Variants in IRF7 observed in about 807,000 individuals in gnomAD.
IRF7 encodes interferon regulatory factor-7H.
Under a neutral mutation model 51.3 loss-of-function variants are expected in IRF7, and 67 were observed. The observed-to-expected ratio is 1.31, with a 90% CI of 1.07 to 1.60. The LOEUF (loss-of-function observed/expected upper bound fraction) is 1.60. IRF7 is among the 40% of genes most tolerant of loss of function. The probability of loss-of-function intolerance (pLI) is 0.00; values close to 1 mark genes in which losing one functional copy is unlikely to be tolerated. For missense variants in IRF7, 873 were observed against 701.5 expected (o/e 1.24, Z -2.76); for synonymous variants, 427 against 301.3 (o/e 1.42, Z -4.32).
chr11:612,883 T>C (rs1856517196), intron 10 of IRF7, 83 bp from the exon 11 acceptor site: 1 of 1,590,078 alleles, frequency 6.3e-7, no homozygotes, highest in African/African-American at 1.3e-5. Flanking sequence ...GCGTCGGGCG[T>C]CTGTCAGTGA....
chr11:612,797 C>A lies in IRF7; in HGVS notation c.1360G>T (p.Glu454Ter). ...AGGTGCACTCGGCACAGCCAGGGTT[C>A]CAGCTGCCAGGAGGGATCGGGCGTC... is the stretch of plus-strand genomic sequence containing the variant. ...KEKSLVLVKL[E>*]PWLCRVHLEG... The change falls in exon 11 of 11, where the codon GAA (glutamate) becomes TAA (stop). Residue 454 changes from glutamate (E) to a stop codon, truncating the protein, a stop_gained. Coordinates refer to ENST00000525445, the MANE Select transcript of IRF7 (RefSeq NM_001572.5). LOFTEE classifies it high-confidence loss of function. 1 of 1,608,714 alleles carries A rather than the reference C, an allele frequency of 6.2e-7. No individual in the cohort carries two copies. The highest frequency in any genetic ancestry group is 8.5e-7 in the Non-Finnish European group (1 of 1,179,316).
Position 613,281 on chromosome 11 carries a change from T to G in IRF7, c.1162A>C (p.Ser388Arg), listed in dbSNP as rs1242512929. 1 of 1,607,662 alleles carries G rather than the reference T, an allele frequency of 6.2e-7. No homozygotes were observed. Among genetic ancestry groups the G allele is most frequent in the East Asian group, 2.2e-5 (1 of 44,806 alleles). The change falls in exon 9 of 11, where the codon AGC becomes CGC. Residue 388 changes from serine (S) to arginine (R), a missense_variant. Transcript: ENST00000525445. ...WEVGGPPGSA[S>R]PSTPACLLPR... ...AGCAGGCAGGCTGGGGTGGAGGGGC[T>G]GGCGGAGCCTGGGGGTCCGCCCACC...
Position 612,877 on chromosome 11 carries a change from C to A in IRF7, c.1357-77G>T, listed in dbSNP as rs565824165. ...CCCCCTCCCCAGGCTCTGAGGGCGTCGGGCGTCTGTCAGTGACCCGGTGTA... is the reference window on the plus strand; with the variant it reads ...CCCCCTCCCCAGGCTCTGAGGGCGTAGGGCGTCTGTCAGTGACCCGGTGTA... On this transcript the variant is annotated intron_variant, in intron 10 of 10. Transcript: ENST00000525445. 6 of 1,589,088 alleles carry A rather than the reference C, an allele frequency of 3.8e-6. No homozygotes were observed. In the African/African-American group the frequency reaches 6.7e-5, roughly 18 times the overall value.
rs755795955 is a variant in IRF7 at position 613,291 on chromosome 11, TG to T, written c.1151del (p.Pro384GlnfsTer68). The part of the protein sequence containing the change: ...CKVYWEVGGP[P>X]GSASPSTPAC... ...CTGGGGTGGAGGGGCTGGCGGAGCC[TG>T]GGGGTCCGCCCACCTCCCAGTACAC... is the stretch of plus-strand genomic sequence containing the variant. On this transcript the variant is annotated frameshift_variant, in exon 9 of 11. Transcript: ENST00000525445. LOFTEE classifies it high-confidence loss of function. 3.1e-6 allele frequency: 5 copies of T among 1,609,260 alleles called. No homozygotes were observed. Among genetic ancestry groups the T allele is most frequent in the Non-Finnish European group, 4.2e-6 (5 of 1,178,416 alleles).
chr11:613,740 C>G (rs752603743), intron 8 of IRF7, 45 bp downstream of exon 8: 13 of 703,242 alleles, frequency 1.8e-5, no homozygotes, highest in Admixed American at 9.0e-5. Flanking sequence ...CCGTGAGTGA[C>G]GGGGGTGGGC....
Position 614,007 on chromosome 11 carries a change from C to T in IRF7, c.710G>A (p.Gly237Glu). The change falls in exon 7 of 11, where the codon GGG becomes GAG. Residue 237 changes from glycine (G) to glutamate (E), a missense_variant. Physicochemically the swap from Gly to Glu is moderately conservative, Grantham distance 98. Coordinates refer to ENST00000525445, the MANE Select transcript of IRF7 (RefSeq NM_001572.5). ...GPGLPAGELY[G>E]WAVETTPSPG... ...GCTGGGGGTCGTCTCTACTGCCCAC[C>T]CGTACAGCTCCCCAGCAGGGAGCCC... The T allele has an allele frequency of 6.2e-7, 1 of 1,609,640 alleles. No homozygotes were observed. Among genetic ancestry groups the T allele is most frequent in the Non-Finnish European group, 8.5e-7 (1 of 1,178,808 alleles).
chr11:615,204 A>G lies in IRF7; in HGVS notation c.76T>C (p.Cys26Arg). The change falls in exon 3 of 11, where the codon TGC becomes CGC. Residue 26 changes from cysteine (C) to arginine (R), a missense_variant. By Grantham distance (180) the Cys-to-Arg change is radical. Transcript: ENST00000525445. ...EWLLGEISSG[C>R]YEGLQWLDEA... ...TCCAGCCACTGCAGCCCCTCATAGC[A>G]GCCGCTGCTGATCTCTCCAAGGAGC... 1 of 1,600,774 alleles carries G rather than the reference A, an allele frequency of 6.2e-7. No homozygotes were observed. Among genetic ancestry groups the G allele is most frequent in the South Asian group, 1.1e-5 (1 of 89,992 alleles).
At position 613,464 on chromosome 11, in the gene IRF7, G is replaced by T; in HGVS notation, c.979C>A (p.Gln327Lys). 1 of 1,547,202 alleles carries T rather than the reference G, an allele frequency of 6.5e-7. No homozygotes were observed. Among genetic ancestry groups the T allele is most frequent in the Non-Finnish European group, 8.7e-7 (1 of 1,147,884 alleles). Residue 327 changes from glutamine to lysine, a missense_variant, in exon 9 of 11, where the codon CAG (glutamine) becomes AAG (lysine). Gln to Lys is a moderately conservative substitution (Grantham distance 53). Coordinates refer to ENST00000525445, the MANE Select transcript of IRF7 (RefSeq NM_001572.5). ...PDPAVRATDPQQVAFPSPAEL... is the reference protein window; with the variant it reads ...PDPAVRATDPKQVAFPSPAEL... ...GCAGGGCTGGGGAATGCTACCTGCT[G>T]GGGGTCTGTGGCCCGGACAGCTGGG...
chr11:613,875 G>T lies in IRF7; in HGVS notation c.767-10C>A, dbSNP rs781721730. ...GGGGCCGCGGCCTCGCCTGCATCCG[G>T]AAGGGAATCCTGTGCTGGCACCTCA... On this transcript the variant is annotated splice_polypyrimidine_tract_variant and intron_variant, in intron 7 of 10. Coordinates refer to ENST00000525445, the MANE Select transcript of IRF7 (RefSeq NM_001572.5). 127 of 1,598,844 alleles carry T rather than the reference G, an allele frequency of 7.9e-5. No individual in the cohort carries two copies. Among genetic ancestry groups the T allele is most frequent in the Non-Finnish European group, 1.0e-4 (122 of 1,173,908 alleles).
At position 613,882 on chromosome 11, in the gene IRF7, A is replaced by T. The variant is rs780229684; in HGVS notation, c.767-17T>A. 2 of 1,599,058 alleles carry T rather than the reference A, an allele frequency of 1.3e-6. No individual in the cohort carries two copies. The highest frequency in any genetic ancestry group is 1.7e-5 in the Admixed American group (1 of 58,404). On this transcript the variant is annotated splice_polypyrimidine_tract_variant and intron_variant, in intron 7 of 10. Transcript: ENST00000525445. ...CGGCCTCGCCTGCATCCGGAAGGGA[A>T]TCCTGTGCTGGCACCTCATCCCTAG... is the stretch of plus-strand genomic sequence containing the variant.
In IRF7 at chr11:614,400, C is replaced by G; in HGVS notation, c.454-1G>C. On this transcript the variant is annotated splice_acceptor_variant, in intron 5 of 10. Transcript: ENST00000525445. LOFTEE classifies it high-confidence loss of function. ...CCAGGAATGGCCCTGGGGGCCCACC[C>G]TGCAGGGAAAAGTCAGGGTGAACGT... The G allele has an allele frequency of 1.2e-6, 2 of 1,600,076 alleles. No homozygotes were observed. The highest frequency in any genetic ancestry group is 1.7e-6 in the Non-Finnish European group (2 of 1,173,976).
Position 613,399 on chromosome 11 carries a change from TTCC to T in IRF7, c.1041_1043del (p.Glu348del). The T allele has an allele frequency of 1.3e-6, 2 of 1,593,788 alleles. No individual in the cohort carries two copies. Among genetic ancestry groups the T allele is most frequent in the Non-Finnish European group, 1.7e-6 (2 of 1,172,282 alleles). ...ACCCAGGGGCCACGTGCCGCAGCAG[TTCC>T]TCCGTGTAGCGCAGCTGCTTCTGGT... On this transcript the variant is annotated inframe_deletion, in exon 9 of 11. Coordinates refer to ENST00000525445, the MANE Select transcript of IRF7 (RefSeq NM_001572.5).
Position 614,512 on chromosome 11 carries a change from A to C in IRF7, c.417T>G (p.Thr139=). ...CWREGPGTDQ[T]EAEAPAAVPP... The stretch of plus-strand genomic sequence containing the variant: ...GGACAGCTGCGGGGGCCTCTGCCTC[A>C]GTCTGGTCCGTGCCTGGGCCTTCTG... The change falls in exon 5 of 11, where the codon ACT becomes ACG. Residue 139 remains threonine, a synonymous_variant. Coordinates refer to ENST00000525445, the MANE Select transcript of IRF7 (RefSeq NM_001572.5). 1.3e-6 allele frequency: 2 copies of C among 1,557,196 alleles called. No individual in the cohort carries two copies. Among genetic ancestry groups the C allele is most frequent in the Middle Eastern group, 1.7e-4 (1 of 5,990 alleles).
In IRF7 at chr11:613,380, G is replaced by C. The variant is rs1364814025; in HGVS notation, c.1063C>G (p.Pro355Ala). The change falls in exon 9 of 11, where the codon CCT (proline) becomes GCT (alanine). Residue 355 changes from proline to alanine, a missense_variant. Pro to Ala is a conservative substitution (Grantham distance 27, BLOSUM62 -1). Coordinates refer to ENST00000525445, the MANE Select transcript of IRF7 (RefSeq NM_001572.5). ...CCCCGAAGCTCCAGGTGCAACCCAGGGGCCACGTGCCGCAGCAGTTCCTCC... is the reference window on the plus strand; with the variant it reads ...CCCCGAAGCTCCAGGTGCAACCCAGCGGCCACGTGCCGCAGCAGTTCCTCC... Reference protein sequence around the residue: ...YTEELLRHVAPGLHLELRGPQ... With the variant: ...YTEELLRHVAAGLHLELRGPQ... 23 of 1,604,096 alleles carry C rather than the reference G, an allele frequency of 1.4e-5. No individual in the cohort carries two copies. The highest frequency in any genetic ancestry group is 2.0e-5 in the Non-Finnish European group (23 of 1,176,754).
At chr11:614,563 C>T (rs186809239) in intron 4 of IRF7, 29 bp from the exon 5 acceptor site, 2 of 1,550,156 alleles carry the variant, frequency 1.3e-6, no homozygotes, top group African/African-American at 2.7e-5. Context: ...GGCGTTAGGC[C>T]CCGACACCAG....
chr11:614,903 G>A lies in IRF7; in HGVS notation c.288C>T (p.Arg96=). 6.3e-7 allele frequency: 1 copy of A among 1,589,456 alleles called. No individual in the cohort carries two copies. Among genetic ancestry groups the A allele is most frequent in the African/African-American group, 1.3e-5 (1 of 74,370 alleles). ...AERAGWKTNF[R]CALRSTRRFV... ...AGCGACGCGTGCTGCGCAGTGCGCA[G>A]CGGAAGTTGGTTTTCCAGCCGGCGC... Residue 96 remains arginine, a synonymous_variant, in exon 4 of 11, where the codon CGC becomes CGT. Transcript: ENST00000525445.
chr11:613,127 G>C lies in IRF7; in HGVS notation c.1238-10C>G, dbSNP rs758608826. 2 of 1,612,380 alleles carry C rather than the reference G, an allele frequency of 1.2e-6. No individual in the cohort carries two copies. The highest frequency in any genetic ancestry group is 8.5e-7 in the Non-Finnish European group (1 of 1,179,744). ...CGGAATTCCACCAGCTCTGAAGAAGGGGACTCTGCTGAGTACCTGGCAGGC... is the reference window on the plus strand; with the variant it reads ...CGGAATTCCACCAGCTCTGAAGAAGCGGACTCTGCTGAGTACCTGGCAGGC... On this transcript the variant is annotated splice_polypyrimidine_tract_variant and intron_variant, in intron 9 of 10. Transcript: ENST00000525445.
chr11:613,725 ACAAGCCGTGAGTGACGGGGGTGGGCG>A, intron 8 of IRF7, 34 bp downstream of exon 8: 1 of 1,019,934 alleles, frequency 9.8e-7, no homozygotes, highest in East Asian at 4.9e-5. Flanking sequence ...GTGGGCGGGG[ACAAGCCGTGAGTGACGGGGGTGGGCG>A]GGGACAGGCT....
intron 9 of IRF7, 41 bp from the exon 10 acceptor site, chr11:613,158 C>T (rs948990982): frequency 6.2e-7 from 1 of 1,605,396 alleles, no homozygotes; most frequent in Non-Finnish European, 8.5e-7. Context: ...CAGGCAGGTG[C>T]TCCCAAGGAC....
Sources: gnomAD v4.1 joint callset for allele counts on GRCh38, gnomAD v4.1.1 for gene constraint, MANE v1.5 for transcripts, NCBI Gene and HGNC (gene_info 2026-07-23, HGNC 2026-07-21) for gene names.